The following OTC variants were observed in gnomAD, a reference collection of about 807,000 sequenced individuals.
OTC encodes the protein ornithine transcarbamylase, mitochondrial.
OTC carries 3 observed loss-of-function variants against 30.3 expected under a neutral mutation model. The observed-to-expected ratio is 0.10, with a 90% CI of 0.05 to 0.26. The LOEUF (loss-of-function observed/expected upper bound fraction) is 0.26. Ranked by LOEUF, OTC falls within the 10% of genes least tolerant of loss-of-function variation. OTC has a pLI of 1.00. For missense variants in OTC, 194 were observed against 260.3 expected (o/e 0.75, Z 1.75); for synonymous variants, 111 against 99.7 (o/e 1.11, Z -0.67).
intron 1 of OTC, among the ~76,000 whole-genome samples, chrX:38,362,610 T>C (rs1237394309): frequency 1.8e-5 from 2 of 112,379 alleles, no homozygotes; most frequent in Non-Finnish European, 3.8e-5. Context: ...CTTCTGTCAG[T>C]GGAGAAATAG....
At chrX:38,413,678 GT>G (rs1252067350) in intron 9 of OTC, among the ~76,000 whole-genome samples, 62 of 87,275 alleles carry the variant, frequency 7.1e-4, no homozygotes, top group African/African-American at 2.5e-3. Context: ...TTTTTTTTTT[GT>G]TTTTTTTTGA....
chrX:38,403,200 T>A (rs2068498078), intron 5 of OTC, among the ~76,000 whole-genome samples: 1 of 111,879 alleles, frequency 8.9e-6, no homozygotes, highest in Admixed American at 9.5e-5. Flanking sequence ...AGGTATTCTG[T>A]ATTTCCCCTT....
At chrX:38,373,785 C>T (rs2068333162) in intron 3 of OTC, 2 of 112,484 alleles carry the variant, frequency 1.8e-5, no homozygotes, top group Admixed American at 1.9e-4. Context: ...TATTTATACT[C>T]TTTTTACCAA....
intron 4 of OTC, among the ~76,000 whole-genome samples, chrX:38,392,001 T>C (rs1040352277): frequency 8.9e-6 from 1 of 112,301 alleles, no homozygotes; most frequent in Non-Finnish European, 1.9e-5. Flanking sequence ...GAACCATCTT[T>C]CCACTTAAAG....
chrX:38,415,941 A>G (rs1283327030), intron 9 of OTC, among the ~76,000 whole-genome samples: 1 of 112,605 alleles, frequency 8.9e-6, no homozygotes, highest in African/African-American at 3.2e-5. Context: ...CTCAATAGCC[A>G]CATGTGGCTG....
intron 1 of OTC, among the ~76,000 whole-genome samples, chrX:38,353,909 A>G (rs2068229130): frequency 8.9e-6 from 1 of 111,893 alleles, no homozygotes; most frequent in Admixed American, 9.5e-5. Flanking sequence ...AGGTAAAAAA[A>G]GCCCAGAATG....
chrX:38,376,770 A>G, intron 3 of OTC, among the ~76,000 whole-genome samples: 1 of 112,658 alleles, frequency 8.9e-6, no homozygotes, highest in African/African-American at 3.2e-5. Flanking sequence ...AAAGGGGCCA[A>G]TTCAGCAAGA....
chrX:38,422,758 G>GA (rs1266385552), downstream of OTC, among the ~76,000 whole-genome samples: 2 of 111,567 alleles, frequency 1.8e-5, no homozygotes, highest in Non-Finnish European at 3.8e-5. Context: ...ATATTGTCAG[G>GA]AAAAAAGAAA....
intron 4 of OTC, among the ~76,000 whole-genome samples, chrX:38,384,101 C>T (rs1238643143): frequency 8.9e-6 from 1 of 112,095 alleles, no homozygotes; most frequent in Non-Finnish European, 1.9e-5. Context: ...CAAATGTTCA[C>T]AAGTCATTGG....
intron 4 of OTC, among the ~76,000 whole-genome samples, chrX:38,387,053 T>C (rs2068407326): frequency 8.9e-6 from 1 of 112,729 alleles, no homozygotes; most frequent in African/African-American, 3.2e-5. Flanking sequence ...TTATTAGTAA[T>C]ATTGAGCACA....
downstream of OTC, among the ~76,000 whole-genome samples, chrX:38,422,785 C>T (rs2068601840): frequency 8.9e-6 from 1 of 111,736 alleles, no homozygotes; most frequent in Non-Finnish European, 1.9e-5. Flanking sequence ...GAGGAAAATT[C>T]ACCCTTAACT....
intron 4 of OTC, among the ~76,000 whole-genome samples, chrX:38,383,372 G>A (rs765436968): frequency 5.8e-4 from 65 of 112,283 alleles, no homozygotes; most frequent in African/African-American, 2.1e-3. Flanking sequence ...GCTCAGAGAA[G>A]TTAATGGAGC....
intron 8 of OTC, 80 bp downstream of exon 8, chrX:38,409,105 G>A (rs2068530797): frequency 9.8e-7 from 1 of 1,021,642 alleles, no homozygotes; most frequent in African/African-American, 1.9e-5. Flanking sequence ...TTCACTTTAG[G>A]GGGAGCAGAC....
rs758951145 is a variant in OTC at position 38,408,301 on chromosome X, AG to A, written c.664-437del. Among the ~76,000 whole-genome samples, 4 of 111,800 alleles carry A rather than the reference AG, an allele frequency of 3.6e-5. No homozygotes were observed. The East Asian group carries it at 1.1e-3, about 31-fold the overall frequency. On this transcript the variant is annotated intron_variant, in intron 6 of 9. Transcript: ENST00000039007. ...ATGGTCAGGGAAGGTTTTTCTGAGG[AG>A]GGGACATTTCAACTGAGACCTGAAA... is the stretch of plus-strand genomic sequence containing the variant.
chrX:38,420,141 C>G (rs1056337255), intron 9 of OTC, among the ~76,000 whole-genome samples: 142 of 110,990 alleles, frequency 1.3e-3, no homozygotes, highest in African/African-American at 4.3e-3. Context: ...TATAATTTAT[C>G]AATCAAAAAT....
the OTC span, among the ~76,000 whole-genome samples, chrX:38,339,692 A>G: frequency 9.0e-6 from 1 of 110,966 alleles, no homozygotes; most frequent in African/African-American, 3.3e-5. Context: ...TTTTTACCTT[A>G]CTTACCCTTT....
chrX:38,366,632 TA>T (rs1022645588), intron 1 of OTC, among the ~76,000 whole-genome samples: 2 of 112,194 alleles, frequency 1.8e-5, no homozygotes, highest in African/African-American at 6.5e-5. Context: ...TCTATAAGAT[TA>T]TTATAGTAAT....
the OTC span, among the ~76,000 whole-genome samples, chrX:38,329,064 A>G: frequency 8.9e-6 from 1 of 112,306 alleles, no homozygotes; most frequent in Non-Finnish European, 1.9e-5. Flanking sequence ...GAATTTTTAA[A>G]GATTTACTTT....
chrX:38,417,091 G>T (rs1166846944), intron 9 of OTC, among the ~76,000 whole-genome samples: 1 of 111,580 alleles, frequency 9.0e-6, no homozygotes, highest in African/African-American at 3.3e-5. Flanking sequence ...GGCACTACTT[G>T]ATATTTTTAT....
Sources: gnomAD v4.1 joint callset for allele counts (sites outside exome capture counted in the v4.1 genomes callset) on GRCh38, gnomAD v4.1.1 for gene constraint, MANE v1.5 for transcripts, NCBI Gene and HGNC (gene_info 2026-07-23, HGNC 2026-07-21) for gene names.